Variants in EBF1 observed in about 807,000 individuals in gnomAD.
The protein encoded by EBF1 is transcription factor COE1.
In EBF1, 10 loss-of-function variants were observed where a neutral mutation model predicts 68.4. The observed-to-expected ratio is 0.15, with a 90% confidence interval of 0.09 to 0.25. EBF1 has a LOEUF of 0.25. EBF1 is among the 10% of genes least tolerant of loss of function. The pLI is 1.00. For missense variants in EBF1, 509 were observed against 794.4 expected (o/e 0.64, Z 4.32); for synonymous variants, 298 against 299.8 (o/e 0.99, Z 0.06).
chr5:158,940,334 C>T (rs1441609893), intron 6 of EBF1, among the ~76,000 whole-genome samples: 1 of 152,162 alleles, frequency 6.6e-6, no homozygotes, highest in African/African-American at 2.4e-5. Context: ...CACATCAGAT[C>T]GCGACGAGTC....
At chr5:159,044,512 A>G (rs1250346383) in intron 6 of EBF1, among the ~76,000 whole-genome samples, 1 of 152,204 alleles carries the variant, frequency 6.6e-6, no homozygotes, top group Non-Finnish European at 1.5e-5. Context: ...CAGGACAAAT[A>G]AAAATTCACT....
At chr5:158,901,488 A>T (rs1267738200) in intron 6 of EBF1, among the ~76,000 whole-genome samples, 1 of 152,120 alleles carries the variant, frequency 6.6e-6, no homozygotes, top group African/African-American at 2.4e-5. Flanking sequence ...TGGTTCATTC[A>T]TTCCCTCATT....
chr5:158,884,291 G>C (rs1426835280), intron 6 of EBF1, among the ~76,000 whole-genome samples: 5 of 152,172 alleles, frequency 3.3e-5, no homozygotes, highest in African/African-American at 1.2e-4. Flanking sequence ...GAAAGTCAGA[G>C]AGATCTCGGT....
At chr5:158,809,070 C>A (rs982619661) in intron 8 of EBF1, among the ~76,000 whole-genome samples, 2 of 152,096 alleles carry the variant, frequency 1.3e-5, no homozygotes, top group African/African-American at 2.4e-5. Context: ...TATACATAGG[C>A]AAATCACCCC....
intron 8 of EBF1, among the ~76,000 whole-genome samples, chr5:158,797,667 G>A (rs1191465620): frequency 6.6e-6 from 1 of 152,160 alleles, no homozygotes; most frequent in Non-Finnish European, 1.5e-5. Context: ...CCAGCCCGGT[G>A]GGACCATTGC....
chr5:159,014,626 A>T (rs1455691462), intron 6 of EBF1, among the ~76,000 whole-genome samples: 4 of 152,224 alleles, frequency 2.6e-5, no homozygotes, highest in African/African-American at 9.7e-5. Flanking sequence ...TTGCTCTTTC[A>T]TATGAAGTTA....
intron 14 of EBF1, among the ~76,000 whole-genome samples, chr5:158,709,502 C>T (rs978374431): frequency 3.0e-4 from 45 of 152,188 alleles, no homozygotes; most frequent in African/African-American, 8.0e-4. Flanking sequence ...GGAAAAGCCT[C>T]GTTCCCATGA....
rs370978648 is a variant in EBF1 at position 158,840,156 on chromosome 5, C to T, written c.555-46G>A. ...ATGGTTAGCATTTCGGTTTCTGACA[C>T]GGGAGGGAAAAAAGAGGTAAGTCAC... On this transcript the variant is annotated intron_variant, in intron 6 of 15. Transcript: ENST00000313708. The T allele has an allele frequency of 5.0e-5, 75 of 1,492,956 alleles. No homozygotes were observed. In the Middle Eastern group the frequency reaches 6.9e-4, roughly 14 times the overall value. The allele number at this position is 1,492,956 out of a possible 1,614,324, so 92.5% of individuals were successfully genotyped here.
Position 159,042,674 on chromosome 5 carries a change from C to A in EBF1, c.554+30722G>T, listed in dbSNP as rs548698188. On this transcript the variant is annotated intron_variant, in intron 6 of 15. Coordinates refer to ENST00000313708, the MANE Select transcript of EBF1 (RefSeq NM_024007.5). ...ACTATATTAAAGCTTAAAATAATTACCTCCTTTTTCAGTTACTTAAAAAAA... is the reference window on the plus strand; with the variant it reads ...ACTATATTAAAGCTTAAAATAATTAACTCCTTTTTCAGTTACTTAAAAAAA... Among the ~76,000 whole-genome samples the A allele has an allele frequency of 5.9e-5, 9 of 151,810 alleles. No homozygotes were observed. The South Asian group carries it at 1.9e-3, about 32-fold the overall frequency.
chr5:158,899,810 A>C (rs953337208), intron 6 of EBF1, among the ~76,000 whole-genome samples: 1 of 152,250 alleles, frequency 6.6e-6, no homozygotes, highest in Non-Finnish European at 1.5e-5. Context: ...CATGTGTTTT[A>C]GGATGGCCAT....
intron 6 of EBF1, among the ~76,000 whole-genome samples, chr5:159,009,618 A>C (rs564687267): frequency 6.6e-6 from 1 of 152,214 alleles, no homozygotes; most frequent in African/African-American, 2.4e-5. Flanking sequence ...CACAAAAAAC[A>C]AGCAAAAAAA....
chr5:158,973,891 C>G (rs1554095182), intron 6 of EBF1, among the ~76,000 whole-genome samples: 2 of 152,194 alleles, frequency 1.3e-5, no homozygotes, highest in Non-Finnish European at 2.9e-5. Flanking sequence ...CACCACCTCT[C>G]CCCACCTGGG....
At chr5:159,066,939 G>C (rs919542250) in intron 6 of EBF1, among the ~76,000 whole-genome samples, 2 of 152,112 alleles carry the variant, frequency 1.3e-5, no homozygotes, top group Admixed American at 1.3e-4. Context: ...GAATGGGATG[G>C]GGGGCTGTGA....
chr5:159,019,854 C>T (rs1766327395), intron 6 of EBF1, among the ~76,000 whole-genome samples: 1 of 152,048 alleles, frequency 6.6e-6, no homozygotes, highest in African/African-American at 2.4e-5. Context: ...GATAAGGATA[C>T]GTTAACATAG....
intron 5 of EBF1, among the ~76,000 whole-genome samples, chr5:159,083,802 T>C (rs17056549): frequency 0.015 from 2,309 of 152,344 alleles, 48 homozygotes; most frequent in East Asian, 0.081. Flanking sequence ...TAGTAGCCTT[T>C]CTCTGATGCA....
chr5:158,775,709 G>C (rs1190251115), intron 10 of EBF1, among the ~76,000 whole-genome samples: 1 of 148,048 alleles, frequency 6.8e-6, no homozygotes, highest in African/African-American at 2.5e-5. Context: ...AGTTTCAATT[G>C]GTCCTTTTCC....
chr5:158,718,118 C>T (rs1761149902), intron 11 of EBF1, among the ~76,000 whole-genome samples: 1 of 152,200 alleles, frequency 6.6e-6, no homozygotes, highest in Non-Finnish European at 1.5e-5. Context: ...GCTTTACTTT[C>T]TACTTTGCAA....
intron 6 of EBF1, among the ~76,000 whole-genome samples, chr5:159,040,381 C>T (rs772640067): frequency 6.6e-6 from 1 of 152,188 alleles, no homozygotes; most frequent in African/African-American, 2.4e-5. Flanking sequence ...GGCTATGATC[C>T]AGATTACAAG....
intron 6 of EBF1, among the ~76,000 whole-genome samples, chr5:158,985,625 C>A (rs1758870537): frequency 6.6e-6 from 1 of 152,190 alleles, no homozygotes; most frequent in East Asian, 1.9e-4. Flanking sequence ...TTGTTTTTAA[C>A]CTTCCCCTCC....
Sources: gnomAD v4.1 joint callset for allele counts (sites outside exome capture counted in the v4.1 genomes callset) on GRCh38, gnomAD v4.1.1 for gene constraint, MANE v1.5 for transcripts, NCBI Gene and HGNC (gene_info 2026-07-23, HGNC 2026-07-21) for gene names.